Variants in KCNIP1 observed in about 807,000 individuals in gnomAD.
KCNIP1 encodes potassium voltage-gated channel interacting protein 1, also known as A-type potassium channel modulatory protein KCNIP1.
A neutral mutation model predicts 33.0 loss-of-function variants in KCNIP1; 18 were observed. The observed-to-expected ratio is 0.55, with a 90% CI of 0.38 to 0.81. The LOEUF (loss-of-function observed/expected upper bound fraction) is 0.81, where lower values mean the gene tolerates loss of function less well. Ranked by LOEUF, KCNIP1 falls within the 30% of genes least tolerant of loss-of-function variation. The pLI is 0.00. For missense variants in KCNIP1, 238 were observed against 271.6 expected (o/e 0.88, Z 0.87); for synonymous variants, 93 against 98.3 (o/e 0.95, Z 0.32).
In KCNIP1 at chr5:170,641,218, G is replaced by A. The variant is rs540746252; in HGVS notation, c.62-77540G>A. ...CTTCCCCATCACTCTGGGTCCTTGG[G>A]AAGAGCCTCTTTCCCAGACCCCACC... On this transcript the variant is annotated intron_variant, in intron 1 of 7. Transcript: ENST00000328939. Among the ~76,000 whole-genome samples, 39 of 152,256 alleles carry A rather than the reference G, an allele frequency of 2.6e-4. 1 individual carries two copies. The South Asian group carries it at 8.1e-3, about 32-fold the overall frequency.
intron 1 of KCNIP1, among the ~76,000 whole-genome samples, chr5:170,644,828 T>G (rs1342677804): frequency 6.6e-6 from 1 of 152,202 alleles, no homozygotes; most frequent in East Asian, 1.9e-4. Context: ...TGCCCACAGC[T>G]GAGATGGGCA....
chr5:170,727,593 C>T (rs546088753), intron 5 of KCNIP1, among the ~76,000 whole-genome samples: 45 of 152,232 alleles, frequency 3.0e-4, no homozygotes, highest in African/African-American at 1.0e-3. Context: ...AAAATAAGAA[C>T]TCAATATCAT....
intron 5 of KCNIP1, among the ~76,000 whole-genome samples, chr5:170,727,232 A>G (rs902554509): frequency 4.6e-5 from 7 of 152,250 alleles, no homozygotes; most frequent in Admixed American, 3.9e-4. Flanking sequence ...CTCCATTTAC[A>G]TGAGATTTTA....
chr5:170,699,471 C>T (rs1763015029), intron 1 of KCNIP1, among the ~76,000 whole-genome samples: 1 of 150,302 alleles, frequency 6.7e-6, no homozygotes, highest in Admixed American at 6.7e-5. Flanking sequence ...CATGTTTAAT[C>T]TTCCCCCTTT....
intron 1 of KCNIP1, among the ~76,000 whole-genome samples, chr5:170,460,771 C>T (rs1052464778): frequency 6.6e-6 from 1 of 152,116 alleles, no homozygotes; most frequent in East Asian, 1.9e-4. Flanking sequence ...AGTCTCACCA[C>T]TCTTCTTCAA....
At chr5:170,683,120 A>G (rs946189998) in intron 1 of KCNIP1, among the ~76,000 whole-genome samples, 3 of 152,238 alleles carry the variant, frequency 2.0e-5, no homozygotes, top group African/African-American at 7.2e-5. Context: ...GGTGAAAGGT[A>G]GAGAACATAT....
intron 1 of KCNIP1, among the ~76,000 whole-genome samples, chr5:170,390,517 A>AAAAAAAAAAAAAATATATATATATAT: frequency 9.4e-5 from 7 of 74,542 alleles, no homozygotes; most frequent in African/African-American, 2.6e-4. Flanking sequence ...AAAAAAAACA[A>AAAAAAAAAAAAAATATATATATATAT]ATATATATAT....
intron 1 of KCNIP1, among the ~76,000 whole-genome samples, chr5:170,691,754 C>T (rs1216001064): frequency 6.6e-6 from 1 of 152,126 alleles, no homozygotes; most frequent in Non-Finnish European, 1.5e-5. Context: ...CTTCTGGTGC[C>T]CAGGGAACCA....
At chr5:170,631,886 G>A (rs528563399) in intron 1 of KCNIP1, among the ~76,000 whole-genome samples, 1 of 152,336 alleles carries the variant, frequency 6.6e-6, no homozygotes, top group East Asian at 1.9e-4. Flanking sequence ...GCACATACTG[G>A]CAGCTGCCTT....
intron 1 of KCNIP1, among the ~76,000 whole-genome samples, chr5:170,555,594 A>C (rs149528701): frequency 1.5e-3 from 221 of 152,268 alleles, no homozygotes; most frequent in African/African-American, 4.9e-3. Flanking sequence ...GAGAGCACAC[A>C]TGCCCTCATG....
At chr5:170,625,416 G>T (rs1759783942) in intron 1 of KCNIP1, among the ~76,000 whole-genome samples, 1 of 152,202 alleles carries the variant, frequency 6.6e-6, no homozygotes, top group Non-Finnish European at 1.5e-5. Context: ...CCTGGCTGCG[G>T]CGTAAGCTAC....
chr5:170,643,251 G>C (rs1760648933), intron 1 of KCNIP1, among the ~76,000 whole-genome samples: 1 of 152,256 alleles, frequency 6.6e-6, no homozygotes. Flanking sequence ...TTTTCTCTGT[G>C]AGCTTCCCCA....
rs1157286321 is a variant in KCNIP1 at position 170,731,872 on chromosome 5, C to CAA, written c.436-899_436-898dup. Among the ~76,000 whole-genome samples, 61 of 16,754 alleles carry CAA rather than the reference C, an allele frequency of 3.6e-3. 3 individuals are homozygous for CAA. Among genetic ancestry groups the CAA allele is most frequent in the East Asian group, 0.023 (12 of 532 alleles). 11.0% of individuals were successfully genotyped at this position (16,754 alleles called of 152,430 possible). Reference sequence around the variant, plus strand: ...TGGGCCACAGAGCGAGACTCCGTCTCAAAAAAAAAAAAAAAAAAAAAAAAA... The same window carrying CAA: ...TGGGCCACAGAGCGAGACTCCGTCTCAAAAAAAAAAAAAAAAAAAAAAAAAAA... On this transcript the variant is annotated intron_variant, in intron 5 of 7. Transcript: ENST00000328939.
chr5:170,484,124 C>T (rs1757033833), intron 1 of KCNIP1: 1 of 152,532 alleles, frequency 6.6e-6, no homozygotes, highest in Non-Finnish European at 1.5e-5. Context: ...CTGCATCAGC[C>T]CGACCCCCAC....
chr5:170,601,195 T>A (rs1272980798), intron 1 of KCNIP1, among the ~76,000 whole-genome samples: 6 of 152,252 alleles, frequency 3.9e-5, no homozygotes, highest in African/African-American at 1.4e-4. Flanking sequence ...GCCTTTTAAA[T>A]ACACCAGCTC....
chr5:170,545,456 T>A (rs1023101794), intron 1 of KCNIP1, among the ~76,000 whole-genome samples: 1 of 152,216 alleles, frequency 6.6e-6, no homozygotes, highest in East Asian at 1.9e-4. Context: ...TTTCCAAATT[T>A]TGCTTCTGCC....
chr5:170,413,947 A>T (rs1755261155), intron 1 of KCNIP1, among the ~76,000 whole-genome samples: 2 of 135,750 alleles, frequency 1.5e-5, no homozygotes, highest in Non-Finnish European at 3.2e-5. Context: ...AAAAAAAAAA[A>T]GGCAGAGCAA....
At chr5:170,444,447 A>T (rs1257336494) in intron 1 of KCNIP1, among the ~76,000 whole-genome samples, 2 of 152,120 alleles carry the variant, frequency 1.3e-5, no homozygotes, top group Non-Finnish European at 2.9e-5. Context: ...AACCCGGGGT[A>T]ATCTTCCCAC....
At chr5:170,448,141 TGTTAGTAGTA>T (rs1412499286) in intron 1 of KCNIP1, among the ~76,000 whole-genome samples, 2 of 148,580 alleles carry the variant, frequency 1.3e-5, no homozygotes, top group Non-Finnish European at 3.0e-5. Flanking sequence ...ATTTCATCAT[TGTTAGTAGTA>T]GTTAGTATAG....
Sources: allele counts gnomAD v4.1 joint callset (sites outside exome capture counted in the v4.1 genomes callset), GRCh38; gene constraint gnomAD v4.1.1; transcripts MANE v1.5; gene names NCBI Gene and HGNC (gene_info 2026-07-23, HGNC 2026-07-21).